The following FAP variants were observed in gnomAD, a reference collection of about 807,000 sequenced individuals.
The protein encoded by FAP is fibroblast activation protein alpha.
In FAP, 110 loss-of-function variants were observed where a neutral mutation model predicts 126.5. The ratio of observed to expected loss-of-function variants is 0.87; its 90% CI spans 0.74 to 1.02. FAP has a LOEUF of 1.02. FAP is among the 50% of genes least tolerant of loss of function. The pLI is 0.00. For synonymous variants in FAP, 334 were observed against 297.3 expected, an observed-to-expected ratio of 1.12 and a Z score of -1.27; for missense variants, 919 against 909.2, an observed-to-expected ratio of 1.01 and a Z score of -0.14.
At chr2:162,237,585 T>C (rs1218667716) in intron 2 of FAP, among the ~76,000 whole-genome samples, 1 of 152,276 alleles carries the variant, frequency 6.6e-6, no homozygotes, top group Non-Finnish European at 1.5e-5. Flanking sequence ...CCACATTTTC[T>C]TTATCCAGTC....
chr2:162,238,763 A>G (rs1218477965), intron 2 of FAP, among the ~76,000 whole-genome samples: 1 of 152,202 alleles, frequency 6.6e-6, no homozygotes, highest in Non-Finnish European at 1.5e-5. Flanking sequence ...AGATGATTTT[A>G]TCTCACGTAT....
chr2:162,198,096 A>T, intron 16 of FAP: 1 of 998,434 alleles, frequency 1.0e-6, no homozygotes, highest in Non-Finnish European at 1.3e-6. Context: ...ATTATTCATT[A>T]AATGTACGTA....
At chr2:162,192,021 C>T (rs1688066074) in intron 17 of FAP, among the ~76,000 whole-genome samples, 1 of 152,020 alleles carries the variant, frequency 6.6e-6, no homozygotes, top group Admixed American at 6.6e-5. Flanking sequence ...TAGGGACCTC[C>T]CTCCTCTATG....
intron 16 of FAP, chr2:162,194,953 A>G: frequency 1.7e-6 from 1 of 576,366 alleles, no homozygotes; most frequent in Non-Finnish European, 3.1e-6. Flanking sequence ...CTCAAAGAAC[A>G]GCTGTGAAAG....
chr2:162,173,817 T>G (rs774018905), intron 22 of FAP, 30 bp from the exon 23 acceptor site: 1 of 1,383,660 alleles, frequency 7.2e-7, no homozygotes, highest in Non-Finnish European at 1.0e-6. Flanking sequence ...ATGCATTGTT[T>G]GCATGTGATG....
intron 1 of FAP, 25 bp from the exon 2 acceptor site, chr2:162,243,017 C>T (rs770905503): frequency 1.1e-5 from 17 of 1,566,706 alleles, no homozygotes; most frequent in Non-Finnish European, 1.4e-5. Context: ...GAGAATTAGG[C>T]ATACACACAG....
At chr2:162,203,374 A>G (rs1378923656) in intron 12 of FAP, among the ~76,000 whole-genome samples, 1 of 152,314 alleles carries the variant, frequency 6.6e-6, no homozygotes, top group East Asian at 1.9e-4. Context: ...CTGCTACTGC[A>G]TACCCCTGGA....
chr2:162,181,398 A>T (rs1350220150), intron 21 of FAP, among the ~76,000 whole-genome samples: 1 of 152,192 alleles, frequency 6.6e-6, no homozygotes, highest in Non-Finnish European at 1.5e-5. Context: ...TTATCTGTAT[A>T]CTTGCTTATT....
intron 2 of FAP, among the ~76,000 whole-genome samples, chr2:162,231,884 C>T (rs1689914353): frequency 6.6e-6 from 1 of 152,164 alleles, no homozygotes; most frequent in Non-Finnish European, 1.5e-5. Context: ...CTGGCAGGTC[C>T]TTTTGTTCTC....
Position 162,219,893 on chromosome 2 carries a change from G to C in FAP, c.446C>G (p.Pro149Arg). ...EFVRGNELPR[P>R]IQYLCWSPVG... ...AGGCGACCAGCATAAATACTGAATTGGACGAGGAAGCTCATTTCCTCTTAC... is the reference window on the plus strand; with the variant it reads ...AGGCGACCAGCATAAATACTGAATTCGACGAGGAAGCTCATTTCCTCTTAC... The change falls in exon 7 of 26, where the codon CCA becomes CGA. Residue 149 changes from proline to arginine, a missense_variant. Physicochemically the swap from Pro to Arg is moderately radical, Grantham distance 103. Coordinates refer to ENST00000188790, the MANE Select transcript of FAP (RefSeq NM_004460.5). The C allele has an allele frequency of 6.2e-7, 1 of 1,612,278 alleles. No individual in the cohort carries two copies. The highest frequency in any genetic ancestry group is 8.5e-7 in the Non-Finnish European group (1 of 1,178,724).
intron 8 of FAP, among the ~76,000 whole-genome samples, chr2:162,218,384 A>T (rs1218941664): frequency 6.6e-6 from 1 of 152,176 alleles, no homozygotes; most frequent in Non-Finnish European, 1.5e-5. Flanking sequence ...GTAATTTTTT[A>T]AATAAATAAT....
intron 21 of FAP, among the ~76,000 whole-genome samples, chr2:162,181,894 G>A (rs1030637152): frequency 3.9e-5 from 6 of 152,168 alleles, no homozygotes; most frequent in African/African-American, 1.2e-4. Context: ...ACCCAGTATA[G>A]TATTAATGTC....
chr2:162,198,334 G>A, intron 16 of FAP: 1 of 1,284,690 alleles, frequency 7.8e-7, no homozygotes, highest in Non-Finnish European at 1.0e-6. Flanking sequence ...CTGGGCAAAG[G>A]GGGCCAAAAG....
At chr2:162,185,511 G>T (rs1372488733) in intron 20 of FAP, among the ~76,000 whole-genome samples, 1 of 152,050 alleles carries the variant, frequency 6.6e-6, no homozygotes, top group Non-Finnish European at 1.5e-5. Context: ...AAAGAAAGCG[G>T]GTTCCAGTCT....
chr2:162,221,306 G>T (rs1163590776), intron 6 of FAP, among the ~76,000 whole-genome samples: 1 of 152,108 alleles, frequency 6.6e-6, no homozygotes, highest in African/African-American at 2.4e-5. Flanking sequence ...TTGGGCGGCG[G>T]ATTTCTTGAG....
Position 162,224,482 on chromosome 2 carries a change from T to C in FAP, c.344A>G (p.Glu115Gly), listed in dbSNP as rs759924849. 1 of 1,591,928 alleles carries C rather than the reference T, an allele frequency of 6.3e-7. No individual in the cohort carries two copies. Among genetic ancestry groups the C allele is most frequent in the Non-Finnish European group, 8.6e-7 (1 of 1,169,294 alleles). The stretch of plus-strand genomic sequence containing the variant: ...AGTTGATACCTTTGAATAATCACTT[T>C]CTAGATATACAAATTGCCGATCAGG... ...LSPDRQFVYL[E>G]SDYSKLWRYS... The change falls in exon 5 of 26, where the codon GAA becomes GGA. Residue 115 changes from glutamate to glycine, a missense_variant. Physicochemically the swap from Glu to Gly is moderately conservative, Grantham distance 98 (BLOSUM62 -2). Transcript: ENST00000188790.
chr2:162,215,843 CA>C, intron 10 of FAP, 54 bp downstream of exon 10: 1 of 1,262,778 alleles, frequency 7.9e-7, no homozygotes, highest in Admixed American at 1.7e-5. Context: ...GCATGCACAG[CA>C]TAAATGCACT....
At chr2:162,171,222 T>C in intron 25 of FAP, 142 bp from the exon 26 acceptor site, 1 of 596,406 alleles carries the variant, frequency 1.7e-6, no homozygotes, top group Non-Finnish European at 3.0e-6. Flanking sequence ...GTAAAATAGC[T>C]TACATGTAAA....
intron 21 of FAP, among the ~76,000 whole-genome samples, chr2:162,177,739 C>A (rs1008471611): frequency 6.6e-6 from 1 of 152,156 alleles, no homozygotes; most frequent in Non-Finnish European, 1.5e-5. Context: ...TCTCTCCAAC[C>A]ATTCCCAACT....
Sources: gnomAD v4.1 joint callset for allele counts (sites outside exome capture counted in the v4.1 genomes callset) on GRCh38, gnomAD v4.1.1 for gene constraint, MANE v1.5 for transcripts, NCBI Gene and HGNC (gene_info 2026-07-23, HGNC 2026-07-21) for gene names.